SLC35F4: variants seen among roughly 807,000 people sequenced by gnomAD.
SLC35F4 encodes the protein chromosome 14 open reading frame 36.
Under a neutral mutation model 44.2 loss-of-function variants are expected in SLC35F4, and 24 were observed. The observed-to-expected ratio is 0.54, with a 90% CI of 0.39 to 0.76. The LOEUF is 0.76. Ranked by LOEUF, SLC35F4 falls within the 30% of genes least tolerant of loss-of-function variation. The pLI, the probability that SLC35F4 is intolerant of heterozygous loss-of-function variation, is 0.00. For missense variants in SLC35F4, 562 were observed against 586.1 expected (o/e 0.96, Z 0.42); for synonymous variants, 238 against 223.6 (o/e 1.06, Z -0.57).
intron 1 of SLC35F4, among the ~76,000 whole-genome samples, chr14:57,636,276 A>T (rs2073012951): frequency 6.6e-6 from 1 of 152,160 alleles, no homozygotes; most frequent in Non-Finnish European, 1.5e-5. Flanking sequence ...GGATTTGATT[A>T]CTAAACATGT....
intron 1 of SLC35F4, among the ~76,000 whole-genome samples, chr14:57,738,498 T>G (rs1455698646): frequency 6.6e-6 from 1 of 152,046 alleles, no homozygotes; most frequent in Non-Finnish European, 1.5e-5. Context: ...TGACTCTGCC[T>G]AGCTGGTTCC....
At chr14:57,586,588 G>A (rs1255341017) in intron 3 of SLC35F4, among the ~76,000 whole-genome samples, 2 of 151,190 alleles carry the variant, frequency 1.3e-5, no homozygotes, top group African/African-American at 2.4e-5. Flanking sequence ...CGTGGTGGCG[G>A]GTGCCTGTAG....
At chr14:57,754,737 G>A (rs1291284981) in intron 1 of SLC35F4, among the ~76,000 whole-genome samples, 1 of 152,200 alleles carries the variant, frequency 6.6e-6, no homozygotes, top group African/African-American at 2.4e-5. Flanking sequence ...CACGGCCTCT[G>A]GGTATAGCAA....
chr14:57,811,138 C>A (rs1433689142), intron 1 of SLC35F4, among the ~76,000 whole-genome samples: 2 of 152,210 alleles, frequency 1.3e-5, no homozygotes, highest in African/African-American at 4.8e-5. Context: ...AGCAACTTCT[C>A]TGAACTTAAC....
At chr14:57,735,878 C>A (rs527283494) in intron 1 of SLC35F4, among the ~76,000 whole-genome samples, 2 of 152,172 alleles carry the variant, frequency 1.3e-5, no homozygotes, top group African/African-American at 2.4e-5. Flanking sequence ...TGTGCCACCA[C>A]CCCCGGCTAA....
At chr14:57,836,550 C>G (rs1284877912) in intron 1 of SLC35F4, among the ~76,000 whole-genome samples, 5 of 152,186 alleles carry the variant, frequency 3.3e-5, no homozygotes, top group African/African-American at 4.8e-5. Flanking sequence ...CTCAGCCTCC[C>G]AAAGTGCTGG....
At chr14:57,676,151 G>A (rs943194047) in intron 1 of SLC35F4, among the ~76,000 whole-genome samples, 1 of 152,058 alleles carries the variant, frequency 6.6e-6, no homozygotes, top group Admixed American at 6.6e-5. Context: ...AGCAGGCAAA[G>A]GTTGATTCCA....
chr14:57,963,441 G>T (rs768306975), intron 1 of SLC35F4, among the ~76,000 whole-genome samples: 4 of 152,202 alleles, frequency 2.6e-5, no homozygotes, highest in Non-Finnish European at 5.9e-5. Context: ...AGCCCCTGGG[G>T]CTGGAGGCTC....
In SLC35F4 at chr14:57,748,880, T is replaced by C. The variant is rs1344537368; in HGVS notation, c.103+116843A>G. Among the ~76,000 whole-genome samples the C allele has an allele frequency of 2.6e-5, 4 of 152,156 alleles. 1 individual carries two copies. The South Asian group carries it at 6.2e-4, about 24-fold the overall frequency. Reference sequence around the variant, plus strand: ...AAAGTTTAGACTGTAAATTCCAAAATAGACAATATCAAACAAACCTCTTTA... The same window carrying C: ...AAAGTTTAGACTGTAAATTCCAAAACAGACAATATCAAACAAACCTCTTTA... On this transcript the variant is annotated intron_variant, in intron 1 of 7. Transcript: ENST00000556826.
chr14:57,901,845 A>G (rs906585848), intron 1 of SLC35F4, among the ~76,000 whole-genome samples: 1 of 152,186 alleles, frequency 6.6e-6, no homozygotes, highest in African/African-American at 2.4e-5. Flanking sequence ...AAACTGTCTC[A>G]GCATAGTTAA....
intron 1 of SLC35F4, among the ~76,000 whole-genome samples, chr14:57,614,872 G>A (rs1219282484): frequency 6.6e-6 from 1 of 152,198 alleles, no homozygotes; most frequent in Non-Finnish European, 1.5e-5. Context: ...CATGTAGGGA[G>A]AAAGCTGTGT....
intron 1 of SLC35F4, among the ~76,000 whole-genome samples, chr14:57,694,976 ATTAT>A (rs1443342199): frequency 6.6e-6 from 1 of 152,102 alleles, no homozygotes; most frequent in Admixed American, 6.6e-5. Flanking sequence ...AATAATGAGG[ATTAT>A]TTATACATCC....
intron 4 of SLC35F4, among the ~76,000 whole-genome samples, chr14:57,577,631 C>T (rs999789234): frequency 2.0e-5 from 3 of 151,782 alleles, no homozygotes; most frequent in African/African-American, 4.8e-5. Flanking sequence ...AAGAAAGCTC[C>T]CAGCCAGTGG....
chr14:57,833,517 G>C (rs776475329), intron 1 of SLC35F4, among the ~76,000 whole-genome samples: 11 of 152,170 alleles, frequency 7.2e-5, no homozygotes, highest in Non-Finnish European at 1.5e-4. Context: ...AATCTCTGGG[G>C]CTCAAGGCCT....
At chr14:57,751,298 T>G (rs2076879114) in intron 1 of SLC35F4, among the ~76,000 whole-genome samples, 1 of 152,172 alleles carries the variant, frequency 6.6e-6, no homozygotes. Flanking sequence ...AATATCTCCA[T>G]GTAGTTAGTA....
chr14:57,596,735 G>A, intron 1 of SLC35F4: 1 of 1,297,272 alleles, frequency 7.7e-7, no homozygotes, highest in Non-Finnish European at 1.0e-6. Context: ...GAATGTATAA[G>A]CCACACCAGT....
At chr14:57,843,979 T>C (rs988894873) in intron 1 of SLC35F4, among the ~76,000 whole-genome samples, 1 of 152,192 alleles carries the variant, frequency 6.6e-6, no homozygotes, top group Non-Finnish European at 1.5e-5. Context: ...CATGTACTCG[T>C]CACAGCAAAT....
At chr14:57,968,251 A>G (rs1880946146) in intron 1 of SLC35F4, among the ~76,000 whole-genome samples, 1 of 152,214 alleles carries the variant, frequency 6.6e-6, no homozygotes, top group African/African-American at 2.4e-5. Flanking sequence ...AGTAAAATAA[A>G]ATGATTCTAC....
intron 1 of SLC35F4, among the ~76,000 whole-genome samples, chr14:57,736,366 C>CA (rs2076464033): frequency 6.6e-6 from 1 of 152,058 alleles, no homozygotes; most frequent in Non-Finnish European, 1.5e-5. Flanking sequence ...AAGAATAATC[C>CA]AAAAAACAAT....
Sources: allele counts gnomAD v4.1 joint callset (sites outside exome capture counted in the v4.1 genomes callset), GRCh38; gene constraint gnomAD v4.1.1; transcripts MANE v1.5; gene names NCBI Gene and HGNC (gene_info 2026-07-23, HGNC 2026-07-21).